CTCF: variants seen among roughly 807,000 people sequenced by gnomAD.
The protein encoded by CTCF is transcriptional repressor CTCF.
In CTCF, 7 loss-of-function variants were observed where a neutral mutation model predicts 72.3. That is an observed-to-expected ratio of 0.10 (90% CI 0.06 to 0.18). CTCF has a LOEUF of 0.18. Among genes scored for constraint, CTCF ranks in the 10% least tolerant of loss-of-function variants. The probability of loss-of-function intolerance (pLI) is 1.00; values close to 1 mark genes in which losing one functional copy is unlikely to be tolerated. For synonymous variants in CTCF, 374 were observed against 315.8 expected (o/e 1.18, Z -1.95); for missense variants, 516 against 949.1 (o/e 0.54, Z 6.00).
intron 4 of CTCF, 43 bp from the exon 5 acceptor site, chr16:67,616,702 T>C: frequency 6.2e-7 from 1 of 1,611,168 alleles, no homozygotes; most frequent in Non-Finnish European, 8.5e-7. Context: ...TCATTAACTG[T>C]GCCCTTGATC....
intron 1 of CTCF, among the ~76,000 whole-genome samples, chr16:67,565,666 CT>C (rs11343807): frequency 0.24 from 31,362 of 130,736 alleles, 5,413 homozygotes; most frequent in African/African-American, 0.51. Context: ...GAGCAAGACT[CT>C]TATCTCAAAA....
At chr16:67,624,267 T>G (rs2052251900) in intron 7 of CTCF, among the ~76,000 whole-genome samples, 1 of 151,876 alleles carries the variant, frequency 6.6e-6, no homozygotes, top group Admixed American at 6.6e-5. Context: ...AGAGTTAACA[T>G]CCCTCACAGT....
chr16:67,582,865 G>A (rs973680835), intron 2 of CTCF, among the ~76,000 whole-genome samples: 3 of 151,962 alleles, frequency 2.0e-5, no homozygotes, highest in Non-Finnish European at 4.4e-5. Context: ...GGGTGACATA[G>A]AGGTCTGTCT....
chr16:67,610,350 CTT>C (rs1158978403), intron 2 of CTCF, among the ~76,000 whole-genome samples: 7 of 121,398 alleles, frequency 5.8e-5, no homozygotes, highest in Admixed American at 8.4e-5. Context: ...TTTTCTTTTT[CTT>C]TTTTTTTTTT....
intron 7 of CTCF, among the ~76,000 whole-genome samples, chr16:67,621,977 A>G (rs1219704982): frequency 1.3e-5 from 2 of 152,132 alleles, no homozygotes; most frequent in African/African-American, 4.8e-5. Context: ...TTCTCTAGGT[A>G]ATGGGACTGT....
chr16:67,599,678 C>T (rs567852391), intron 2 of CTCF, among the ~76,000 whole-genome samples: 1 of 152,208 alleles, frequency 6.6e-6, no homozygotes, highest in African/African-American at 2.4e-5. Flanking sequence ...ACTTTTTCAC[C>T]TAGATGATAG....
rs748391510 is a variant in CTCF, at chr16:67,620,678, G to A, written c.1087-19G>A. Reference sequence around the variant, plus strand: ...TCTGTGTTAACAGAAGTTAAAGTTCGGTTGTTTTCGTATTTCAGGTCAGCA... The same window carrying A: ...TCTGTGTTAACAGAAGTTAAAGTTCAGTTGTTTTCGTATTTCAGGTCAGCA... On this transcript the variant is annotated intron_variant, in intron 5 of 11. Transcript: ENST00000264010. The A allele has an allele frequency of 1.4e-5, 21 of 1,535,096 alleles. No homozygotes were observed. Among genetic ancestry groups the A allele is most frequent in the Middle Eastern group, 1.7e-4 (1 of 5,740 alleles).
chr16:67,630,762 A>C (rs1035636428), intron 10 of CTCF, among the ~76,000 whole-genome samples: 3 of 152,044 alleles, frequency 2.0e-5, no homozygotes, highest in African/African-American at 7.3e-5. Context: ...CTCCAAAAAA[A>C]ACAAAAAGTG....
chr16:67,574,326 A>C (rs994103390), intron 2 of CTCF, among the ~76,000 whole-genome samples: 3 of 152,074 alleles, frequency 2.0e-5, no homozygotes, highest in African/African-American at 7.2e-5. Context: ...TAGATTTGCC[A>C]GTTTGTTAAG....
chr16:67,625,673 A>T (rs955997205), intron 7 of CTCF, among the ~76,000 whole-genome samples: 2 of 151,500 alleles, frequency 1.3e-5, no homozygotes, highest in Admixed American at 6.6e-5. Context: ...TTATATTCCT[A>T]CTCCAGATCT....
At chr16:67,630,586 C>A (rs564997129) in intron 10 of CTCF, among the ~76,000 whole-genome samples, 2 of 152,156 alleles carry the variant, frequency 1.3e-5, no homozygotes, top group East Asian at 3.9e-4. Flanking sequence ...AAAACCTTGT[C>A]TCTACAAAAA....
intron 2 of CTCF, among the ~76,000 whole-genome samples, chr16:67,602,820 A>C (rs2051914166): frequency 1.3e-5 from 2 of 150,810 alleles, no homozygotes; most frequent in Non-Finnish European, 3.0e-5. Context: ...CAGCCTAGGC[A>C]ACAAGAGTGA....
chr16:67,585,822 A>C (rs2051662011), intron 2 of CTCF, among the ~76,000 whole-genome samples: 1 of 151,986 alleles, frequency 6.6e-6, no homozygotes, highest in African/African-American at 2.4e-5. Flanking sequence ...CCTATTTAAA[A>C]ATTTTTAAGG....
intron 1 of CTCF, among the ~76,000 whole-genome samples, chr16:67,569,164 T>C (rs1436489750): frequency 3.4e-5 from 5 of 149,132 alleles, no homozygotes; most frequent in East Asian, 2.0e-4. Flanking sequence ...AGTTCAAATT[T>C]AGCTCTTTAT....
At chr16:67,629,092 CACCCCACCCT>C (rs951545208) in intron 9 of CTCF, among the ~76,000 whole-genome samples, 55 of 151,856 alleles carry the variant, frequency 3.6e-4, no homozygotes, top group Admixed American at 6.6e-4. Flanking sequence ...TTGAAACCTG[CACCCCACCCT>C]ACCCCACCCT....
chr16:67,638,733 A>G lies in CTCF; in HGVS notation c.*861A>G. On this transcript the variant is annotated 3_prime_UTR_variant, in exon 12 of 12. Coordinates refer to ENST00000264010, the MANE Select transcript of CTCF (RefSeq NM_006565.4). ...ATTTTCTTTGCCCTGTTTGTAGCTG[A>G]TTGTTGTGTTTTATAAATCTTCTGT... 1 of 224,212 alleles carries G rather than the reference A, an allele frequency of 4.5e-6. No individual in the cohort carries two copies. The highest frequency in any genetic ancestry group is 8.9e-6 in the Non-Finnish European group (1 of 112,230). The allele number at this position is 224,212 out of a possible 1,614,324, so 13.9% of individuals were successfully genotyped here.
rs1247504675 is a variant in CTCF, at chr16:67,562,662, CGCCGGGTG to C, written c.-183_-176del. On this transcript the variant is annotated 5_prime_UTR_variant, in exon 1 of 12. Coordinates refer to ENST00000264010, the MANE Select transcript of CTCF (RefSeq NM_006565.4). ...GCGGACGCGCGGAGCTCGCCGGAGA[CGCCGGGTG>C]GCCGGAGCCGTGGAGCGGCGGCGGA... The C allele has an allele frequency of 6.6e-6, 1 of 152,626 alleles. No homozygotes were observed. Among genetic ancestry groups the C allele is most frequent in the Non-Finnish European group, 1.5e-5 (1 of 68,502 alleles). The allele number at this position is 152,626 out of a possible 1,614,324, so 9.5% of individuals were successfully genotyped here. A position where few individuals can be genotyped will look rare whatever the true frequency, so the allele number is the denominator to read the frequency against.
chr16:67,588,142 G>A (rs1270820023), intron 2 of CTCF, among the ~76,000 whole-genome samples: 1 of 152,172 alleles, frequency 6.6e-6, no homozygotes, highest in African/African-American at 2.4e-5. Flanking sequence ...ACAGGGATGA[G>A]CCACTGCGCC....
chr16:67,569,878 GT>G, intron 1 of CTCF, among the ~76,000 whole-genome samples: 1 of 151,890 alleles, frequency 6.6e-6, no homozygotes, highest in Non-Finnish European at 1.5e-5. Flanking sequence ...TAGAGATGGG[GT>G]TTCGCCATGT....
Sources: gnomAD v4.1 joint callset for allele counts (sites outside exome capture counted in the v4.1 genomes callset) on GRCh38, gnomAD v4.1.1 for gene constraint, MANE v1.5 for transcripts, NCBI Gene and HGNC (gene_info 2026-07-23, HGNC 2026-07-21) for gene names.